The following MTMR2 variants were observed in gnomAD, a reference collection of about 807,000 sequenced individuals.
MTMR2 encodes the protein phosphatidylinositol-3,5-bisphosphate 3-phosphatase MTMR2.
MTMR2 carries 55 observed loss-of-function variants against 86.9 expected under a neutral mutation model. The observed-to-expected ratio is 0.63, with a 90% CI of 0.51 to 0.79. The LOEUF is 0.79. Among genes scored for constraint, MTMR2 ranks in the 30% least tolerant of loss-of-function variants. The pLI, the probability that MTMR2 is intolerant of heterozygous loss-of-function variation, is 0.00. For synonymous variants in MTMR2, 241 were observed against 266.8 expected, an observed-to-expected ratio of 0.90 and a Z score of 0.94; for missense variants, 659 against 772.3, an observed-to-expected ratio of 0.85 and a Z score of 1.74.
intron 1 of MTMR2, among the ~76,000 whole-genome samples, chr11:95,915,716 T>C (rs2135628986): frequency 6.6e-6 from 1 of 152,276 alleles, no homozygotes; most frequent in East Asian, 1.9e-4. Flanking sequence ...TGCAACATTC[T>C]AGAAGAGGAT....
intron 1 of MTMR2, among the ~76,000 whole-genome samples, chr11:95,903,751 T>C (rs1866157286): frequency 6.6e-6 from 1 of 152,218 alleles, no homozygotes; most frequent in African/African-American, 2.4e-5. Flanking sequence ...CTATAACCTG[T>C]GTGCACTGTG....
intron 2 of MTMR2, chr11:95,887,724 T>C (rs1865563820): frequency 5.4e-6 from 1 of 185,604 alleles, no homozygotes; most frequent in Non-Finnish European, 1.1e-5. Context: ...TATGAGATCT[T>C]GGACATATTA....
At chr11:95,839,796 A>G (rs1302512085) in intron 12 of MTMR2, among the ~76,000 whole-genome samples, 2 of 151,736 alleles carry the variant, frequency 1.3e-5, no homozygotes. Context: ...ATTGCTAACA[A>G]ACATTATGAC....
At chr11:95,917,868 C>G (rs970077202) in intron 1 of MTMR2, among the ~76,000 whole-genome samples, 1 of 152,180 alleles carries the variant, frequency 6.6e-6, no homozygotes, top group Admixed American at 6.5e-5. Flanking sequence ...TGGATCTGAA[C>G]AGTTCACACC....
In MTMR2 at chr11:95,880,297, T is replaced by C. The variant is rs1442246813; in HGVS notation, c.186+7859A>G. Reference sequence around the variant, plus strand: ...TGCATATATGTCTATAATCAATATATAGTATGTTTTGTTTATTGAAATTTA... The same window carrying C: ...TGCATATATGTCTATAATCAATATACAGTATGTTTTGTTTATTGAAATTTA... On this transcript the variant is annotated intron_variant, in intron 2 of 14. Transcript: ENST00000346299. 2.6e-5 allele frequency among the ~76,000 whole-genome samples: 4 copies of C among 152,088 alleles called. No homozygotes were observed. The East Asian group carries it at 7.7e-4, about 29-fold the overall frequency.
chr11:95,901,848 T>C (rs1275858235), intron 1 of MTMR2, among the ~76,000 whole-genome samples: 1 of 152,208 alleles, frequency 6.6e-6, no homozygotes, highest in African/African-American at 2.4e-5. Flanking sequence ...AGGTTAAGAA[T>C]GAACTACAGA....
At chr11:95,909,026 A>T (rs1360514990) in intron 1 of MTMR2, among the ~76,000 whole-genome samples, 2 of 152,174 alleles carry the variant, frequency 1.3e-5, no homozygotes, top group African/African-American at 2.4e-5. Context: ...TTCCACCATA[A>T]GATCAAAACA....
At chr11:95,847,642 T>C in intron 10 of MTMR2, 72 bp downstream of exon 10, 1 of 1,363,354 alleles carries the variant, frequency 7.3e-7, no homozygotes, top group Non-Finnish European at 1.0e-6. Context: ...TGATTGCAAT[T>C]ATAAGTAAAA....
chr11:95,895,383 A>G (rs1865848181), intron 1 of MTMR2, among the ~76,000 whole-genome samples: 1 of 152,098 alleles, frequency 6.6e-6, no homozygotes, highest in African/African-American at 2.4e-5. Flanking sequence ...ACACACACAC[A>G]AAGGGAAAAA....
At chr11:95,842,170 G>A (rs576691830) in intron 11 of MTMR2, among the ~76,000 whole-genome samples, 1 of 152,242 alleles carries the variant, frequency 6.6e-6, no homozygotes, top group African/African-American at 2.4e-5. Context: ...CTGCCAAGCA[G>A]AAACATTTTG....
intron 10 of MTMR2, among the ~76,000 whole-genome samples, chr11:95,845,801 T>TA (rs1863762826): frequency 6.6e-6 from 1 of 150,424 alleles, no homozygotes; most frequent in African/African-American, 2.5e-5. Context: ...CAAAATAACT[T>TA]ACCTTTTCTG....
chr11:95,876,736 C>G (rs2135518467), intron 2 of MTMR2, among the ~76,000 whole-genome samples: 1 of 152,228 alleles, frequency 6.6e-6, no homozygotes, highest in African/African-American at 2.4e-5. Context: ...TTCTTCCATG[C>G]CCACTTCATC....
intron 1 of MTMR2, among the ~76,000 whole-genome samples, chr11:95,922,496 C>T (rs1439829123): frequency 6.6e-6 from 1 of 150,914 alleles, no homozygotes; most frequent in African/African-American, 2.4e-5. Flanking sequence ...TTCAAACGTG[C>T]AATATATATA....
chr11:95,875,569 G>A (rs1337715950), intron 2 of MTMR2, among the ~76,000 whole-genome samples: 4 of 152,048 alleles, frequency 2.6e-5, no homozygotes, highest in African/African-American at 9.7e-5. Context: ...AGAGTAGTTT[G>A]ATCGTCTGAA....
intron 2 of MTMR2, among the ~76,000 whole-genome samples, chr11:95,874,731 A>C (rs548872534): frequency 6.6e-6 from 1 of 152,256 alleles, no homozygotes; most frequent in African/African-American, 2.4e-5. Context: ...AGTGGCTGGT[A>C]CCAGTTGTTC....
chr11:95,893,603 G>T, intron 1 of MTMR2, among the ~76,000 whole-genome samples: 1 of 152,050 alleles, frequency 6.6e-6, no homozygotes, highest in East Asian at 1.9e-4. Flanking sequence ...TACTAGTGAA[G>T]GAAATCTTCA....
Position 95,850,716 on chromosome 11 carries a change from T to C in MTMR2, c.688A>G (p.Ile230Val), listed in dbSNP as rs1437398299. The C allele has an allele frequency of 6.2e-7, 1 of 1,614,070 alleles. No individual in the cohort carries two copies. The highest frequency in any genetic ancestry group is 1.1e-5 in the South Asian group (1 of 91,088). ...TCACAAAGTTCATATCGTTCATTTA[T>C]CTTTGTTATTCTCCAGCTTTCATTT... ...IPNESWRITKINERYELCDTY... is the reference protein window; with the variant it reads ...IPNESWRITKVNERYELCDTY... Residue 230 changes from isoleucine to valine, a missense_variant, in exon 8 of 15, where the codon ATA becomes GTA. Physicochemically the swap from Ile to Val is conservative, Grantham distance 29 (BLOSUM62 3). Coordinates refer to ENST00000346299, the MANE Select transcript of MTMR2 (RefSeq NM_016156.6).
At chr11:95,909,262 T>C (rs1373643747) in intron 1 of MTMR2, among the ~76,000 whole-genome samples, 3 of 152,106 alleles carry the variant, frequency 2.0e-5, no homozygotes, top group African/African-American at 7.2e-5. Flanking sequence ...CAAAATAGAA[T>C]CAATAAATAA....
rs1308668822 is a variant in MTMR2, at chr11:95,865,634, G to A, written c.229C>T (p.Pro77Ser). The A allele has an allele frequency of 1.9e-6, 3 of 1,613,968 alleles. No homozygotes were observed. The highest frequency in any genetic ancestry group is 2.2e-5 in the South Asian group (2 of 91,080). The change falls in exon 3 of 15, where the codon CCC becomes TCC. Residue 77 changes from proline to serine, a missense_variant. Physicochemically the swap from Pro to Ser is moderately conservative, Grantham distance 74. Around this residue, in one of 3 missense-constraint regions of MTMR2, gnomAD observed 387 missense variants for 526.3 expected, o/e 0.74. Transcript: ENST00000346299. ...TTAATATTTTCTCCTGGAAGCAAGGGTGGTTCTTCCATTTCTGCTAACTTG... is the reference window on the plus strand; with the variant it reads ...TTAATATTTTCTCCTGGAAGCAAGGATGGTTCTTCCATTTCTGCTAACTTG... ...SNKLAEMEEP[P>S]LLPGENIKDM...
Sources: gnomAD v4.1 joint callset for allele counts (sites outside exome capture counted in the v4.1 genomes callset) on GRCh38, gnomAD v4.1.1 for gene constraint, gnomAD v4.1.1 regional missense constraint, MANE v1.5 for transcripts, NCBI Gene and HGNC (gene_info 2026-07-23, HGNC 2026-07-21) for gene names.